NDUFAF2: variants seen among roughly 807,000 people sequenced by gnomAD.
The protein encoded by NDUFAF2 is NADH:ubiquinone oxidoreductase complex assembly factor 2.
Under a neutral mutation model 22.8 loss-of-function variants are expected in NDUFAF2, and 13 were observed. That is an observed-to-expected ratio of 0.57 (90% CI 0.37 to 0.91). The LOEUF (loss-of-function observed/expected upper bound fraction) is 0.91. Among genes scored for constraint, NDUFAF2 ranks in the 40% least tolerant of loss-of-function variants. The pLI is 0.01. For missense variants in NDUFAF2, 162 were observed against 195.2 expected (o/e 0.83, Z 1.01); for synonymous variants, 53 against 64.2 (o/e 0.83, Z 0.84).
rs190068377 is a variant in NDUFAF2, at chr5:60,951,935, T to C, written c.127+6553T>C. On this transcript the variant is annotated intron_variant, in intron 1 of 3. Transcript: ENST00000296597. ...GACTACTCAGGCTATCTATTTTGTC[T>C]TAGGTGAGTTTTGGTAGTTTTTATC... Among the ~76,000 whole-genome samples the C allele has an allele frequency of 9.2e-5, 14 of 151,804 alleles. 1 individual carries two copies. The East Asian group carries it at 2.7e-3, about 29-fold the overall frequency.
At chr5:61,041,559 A>G (rs1751882717) in intron 1 of NDUFAF2, among the ~76,000 whole-genome samples, 1 of 152,212 alleles carries the variant, frequency 6.6e-6, no homozygotes, top group African/African-American at 2.4e-5. Flanking sequence ...AGAATAGACC[A>G]ATACTTTCGA....
At chr5:61,097,898 G>A (rs1028116140) in intron 2 of NDUFAF2, among the ~76,000 whole-genome samples, 1 of 152,096 alleles carries the variant, frequency 6.6e-6, no homozygotes, top group Non-Finnish European at 1.5e-5. Context: ...TAAATTTGAG[G>A]AATTCATTTT....
chr5:61,010,460 T>C (rs12153228), intron 1 of NDUFAF2, among the ~76,000 whole-genome samples: 30,325 of 151,998 alleles, frequency 0.2, 3,574 homozygotes, highest in Non-Finnish European at 0.26. Context: ...TTCTCCTCCT[T>C]CTCTCCTTTC....
chr5:61,025,993 GA>G (rs1162428581), intron 1 of NDUFAF2, among the ~76,000 whole-genome samples: 1 of 152,008 alleles, frequency 6.6e-6, no homozygotes, highest in East Asian at 1.9e-4. Flanking sequence ...TGGAATGAAG[GA>G]ATAGGAGAAA....
intron 3 of NDUFAF2, among the ~76,000 whole-genome samples, chr5:61,102,022 G>A (rs1485060807): frequency 6.6e-6 from 1 of 152,086 alleles, no homozygotes; most frequent in Non-Finnish European, 1.5e-5. Context: ...TTTTGAGGTA[G>A]GGCCTGAATA....
At chr5:61,090,973 G>T (rs886740132) in intron 2 of NDUFAF2, among the ~76,000 whole-genome samples, 1 of 152,046 alleles carries the variant, frequency 6.6e-6, no homozygotes, top group African/African-American at 2.4e-5. Flanking sequence ...GTTTGCTAAG[G>T]ATAATGGCTT....
intron 2 of NDUFAF2, among the ~76,000 whole-genome samples, chr5:61,090,204 A>G (rs1255065063): frequency 6.6e-6 from 1 of 152,132 alleles, no homozygotes; most frequent in Non-Finnish European, 1.5e-5. Context: ...ACTTAATTGT[A>G]GCCCTGGCAC....
At chr5:61,086,928 A>C (rs1752511288) in intron 2 of NDUFAF2, among the ~76,000 whole-genome samples, 1 of 152,186 alleles carries the variant, frequency 6.6e-6, no homozygotes, top group Non-Finnish European at 1.5e-5. Flanking sequence ...AGTGAGAGAA[A>C]CATTAATTTT....
intron 3 of NDUFAF2, 110 bp downstream of exon 3, chr5:61,099,142 C>T (rs544934571): frequency 3.7e-6 from 2 of 546,776 alleles, no homozygotes; most frequent in South Asian, 8.1e-5. Flanking sequence ...TATTCCATCA[C>T]AGAAAATAAC....
At chr5:61,021,845 C>A (rs1580098827) in intron 1 of NDUFAF2, among the ~76,000 whole-genome samples, 1 of 152,194 alleles carries the variant, frequency 6.6e-6, no homozygotes, top group Admixed American at 6.5e-5. Context: ...ACAGAACCAA[C>A]AAGTGAGAGT....
intron 3 of NDUFAF2, among the ~76,000 whole-genome samples, chr5:61,107,464 TC>T (rs1752781991): frequency 6.6e-6 from 1 of 151,312 alleles, no homozygotes; most frequent in South Asian, 2.1e-4. Context: ...TTGTTTGAGT[TC>T]CTTATATATT....
intron 3 of NDUFAF2, among the ~76,000 whole-genome samples, chr5:61,136,607 G>C (rs1233059485): frequency 6.6e-6 from 1 of 152,112 alleles, no homozygotes; most frequent in Non-Finnish European, 1.5e-5. Flanking sequence ...TTCAAACCAG[G>C]ATCTGAGACA....
chr5:61,035,823 G>T (rs979870921), intron 1 of NDUFAF2, among the ~76,000 whole-genome samples: 4 of 151,988 alleles, frequency 2.6e-5, no homozygotes, highest in African/African-American at 7.3e-5. Context: ...ATAGTCTAGA[G>T]CATATGATGA....
chr5:61,067,550 A>G (rs1229101292), intron 1 of NDUFAF2, among the ~76,000 whole-genome samples: 7 of 152,086 alleles, frequency 4.6e-5, no homozygotes, highest in Non-Finnish European at 8.8e-5. Flanking sequence ...TTCTTAATCC[A>G]GTCTATCATT....
At chr5:60,983,259 C>A in intron 1 of NDUFAF2, among the ~76,000 whole-genome samples, 1 of 111,854 alleles carries the variant, frequency 8.9e-6, no homozygotes, top group Non-Finnish European at 1.9e-5. Flanking sequence ...TTGTTTTTTT[C>A]TTGTAAATTT....
At chr5:60,991,549 A>G (rs1468522195) in intron 1 of NDUFAF2, among the ~76,000 whole-genome samples, 2 of 152,166 alleles carry the variant, frequency 1.3e-5, no homozygotes, top group African/African-American at 4.8e-5. Flanking sequence ...AAGTGAGAAT[A>G]TGTGATATTT....
intron 1 of NDUFAF2, among the ~76,000 whole-genome samples, chr5:61,057,972 A>T (rs1001079133): frequency 3.3e-5 from 5 of 152,220 alleles, no homozygotes; most frequent in Admixed American, 1.3e-4. Flanking sequence ...TTGAGAACTA[A>T]TGTACCACAA....
intron 1 of NDUFAF2, among the ~76,000 whole-genome samples, chr5:60,971,411 C>T (rs1296502302): frequency 2.6e-5 from 4 of 151,832 alleles, no homozygotes; most frequent in East Asian, 3.9e-4. Flanking sequence ...CTCAGCCTCT[C>T]GAGTAGCTGG....
intron 1 of NDUFAF2, among the ~76,000 whole-genome samples, chr5:61,062,687 T>A (rs1752180346): frequency 6.6e-6 from 1 of 152,122 alleles, no homozygotes; most frequent in South Asian, 2.1e-4. Context: ...GAGATATGGA[T>A]ATCCAGATCC....
Sources: gnomAD v4.1 joint callset for allele counts (sites outside exome capture counted in the v4.1 genomes callset) on GRCh38, gnomAD v4.1.1 for gene constraint, MANE v1.5 for transcripts, NCBI Gene and HGNC (gene_info 2026-07-23, HGNC 2026-07-21) for gene names.